Variants in BACH1 observed in about 807,000 individuals in gnomAD.
BACH1 encodes transcription regulator protein BACH1.
Under a neutral mutation model 52.9 loss-of-function variants are expected in BACH1, and 35 were observed. The observed-to-expected ratio is 0.66, with a 90% CI of 0.51 to 0.88. BACH1 has a LOEUF of 0.88. BACH1 is among the 40% of genes least tolerant of loss of function. The pLI, the probability that BACH1 is intolerant of heterozygous loss-of-function variation, is 0.00. For missense variants in BACH1, 808 were observed against 872.6 expected, an observed-to-expected ratio of 0.93 and a Z score of 0.93; for synonymous variants, 321 against 319.6, an observed-to-expected ratio of 1.00 and a Z score of -0.05.
chr21:29,327,395 T>C lies in BACH1; in HGVS notation c.1569+2T>C. On this transcript the variant is annotated splice_donor_variant, in intron 3 of 4. Transcript: ENST00000286800. LOFTEE classifies it high-confidence loss of function. ...TCAGCCAGAGAACAAGAATGTGAGG[T>C]GAGCAGGAATATGTTCTTAATTCAT... The C allele has an allele frequency of 6.2e-7, 1 of 1,609,344 alleles. No homozygotes were observed. The highest frequency in any genetic ancestry group is 8.5e-7 in the Non-Finnish European group (1 of 1,177,382).
rs778585049 is a variant in BACH1, at chr21:29,342,742, A to T, written c.2120A>T (p.Glu707Val). Residue 707 changes from glutamate (E) to valine (V), a missense_variant, in exon 5 of 5, where the codon GAG (glutamate) becomes GTG (valine). Transcript: ENST00000286800. Reference protein sequence around the residue: ...ESQQMSTATSEQAGPAEQCRQ... With the variant: ...ESQQMSTATSVQAGPAEQCRQ... ...CAGCAGATGTCCACAGCCACCTCTG[A>T]GCAAGCTGGGCCTGCGGAACAGTGT... 6.2e-7 allele frequency: 1 copy of T among 1,614,060 alleles called. No homozygotes were observed. The highest frequency in any genetic ancestry group is 1.7e-5 in the Admixed American group (1 of 60,004).
Position 29,345,312 on chromosome 21 carries a change from C to T in BACH1, c.*2479C>T, listed in dbSNP as rs545858051. ...AAGGCAATATTTTTTTTGAGGCTGCCGAAGACAAATGACAGGATTATGAGT... is the reference window on the plus strand; with the variant it reads ...AAGGCAATATTTTTTTTGAGGCTGCTGAAGACAAATGACAGGATTATGAGT... On this transcript the variant is annotated 3_prime_UTR_variant, in exon 5 of 5. Transcript: ENST00000286800. 2 of 152,452 alleles carry T rather than the reference C, an allele frequency of 1.3e-5. No individual in the cohort carries two copies. Among genetic ancestry groups the T allele is most frequent in the African/African-American group, 2.4e-5 (1 of 41,508 alleles). 9.4% of individuals were successfully genotyped at this position (152,452 alleles called of 1,614,324 possible).
At chr21:29,353,593 A>G (rs2089216168) in intron 2 of BACH1, among the ~76,000 whole-genome samples, 1 of 152,212 alleles carries the variant, frequency 6.6e-6, no homozygotes, top group Admixed American at 6.5e-5. Flanking sequence ...ACCCACCTCC[A>G]GCCTACAGAG....
In BACH1 at chr21:29,314,366, G is replaced by C. The variant is rs1006465011; in HGVS notation, c.-60-6855G>C. 2.0e-5 allele frequency among the ~76,000 whole-genome samples: 3 copies of C among 152,156 alleles called. No individual in the cohort carries two copies. The East Asian group carries it at 5.8e-4, about 29-fold the overall frequency. On this transcript the variant is annotated intron_variant, in intron 1 of 4. Coordinates refer to ENST00000286800, the MANE Select transcript of BACH1 (RefSeq NM_001186.4). ...ACCATTTATTTTTGAGCTTTGAGGA[G>C]TCTATAACTTTAACAAACTTCCCTA... is the stretch of plus-strand genomic sequence containing the variant.
chr21:29,301,535 G>A (rs2123397931), intron 1 of BACH1, among the ~76,000 whole-genome samples: 1 of 152,280 alleles, frequency 6.6e-6, no homozygotes, highest in African/African-American at 2.4e-5. Flanking sequence ...AGAAGCTTGA[G>A]TGTAAATTTC....
intron 2 of BACH1, among the ~76,000 whole-genome samples, chr21:29,322,653 G>C (rs2088862144): frequency 6.6e-6 from 1 of 152,210 alleles, no homozygotes; most frequent in Non-Finnish European, 1.5e-5. Flanking sequence ...GAGTATGACA[G>C]GTCTATGTGG....
In BACH1 at chr21:29,321,835, A is replaced by G. The variant is rs184455223; in HGVS notation, c.234+321A>G. ...TGGTTTTGAGAGTCTGTGCTGTGTG[A>G]CATTCTCTTCTAGGGGCCCTTTCCA... is the stretch of plus-strand genomic sequence containing the variant. On this transcript the variant is annotated intron_variant, in intron 2 of 4. Coordinates refer to ENST00000286800, the MANE Select transcript of BACH1 (RefSeq NM_001186.4). Among the ~76,000 whole-genome samples, 18 of 152,020 alleles carry G rather than the reference A, an allele frequency of 1.2e-4. No homozygotes were observed. In the East Asian group the frequency reaches 2.9e-3, roughly 25 times the overall value.
intron 1 of BACH1, among the ~76,000 whole-genome samples, chr21:29,316,837 A>G (rs2088792966): frequency 6.6e-6 from 1 of 152,200 alleles, no homozygotes; most frequent in South Asian, 2.1e-4. Flanking sequence ...TTTGACTTCC[A>G]GAGGGATGAG....
chr21:29,331,020 C>T lies in BACH1; in HGVS notation c.1776+1327C>T, dbSNP rs188963218. 2.0e-5 allele frequency among the ~76,000 whole-genome samples: 3 copies of T among 151,004 alleles called. No individual in the cohort carries two copies. In the East Asian group the frequency reaches 5.8e-4, roughly 29 times the overall value. The stretch of plus-strand genomic sequence containing the variant: ...GCTGAATAGTTAAAATTGTTAAAAC[C>T]AAGGAGGAAAAGTTTTCAATTCTAT... On this transcript the variant is annotated intron_variant, in intron 4 of 4. Coordinates refer to ENST00000286800, the MANE Select transcript of BACH1 (RefSeq NM_001186.4).
chr21:29,315,779 G>GA (rs1172891997), intron 1 of BACH1, among the ~76,000 whole-genome samples: 1 of 152,140 alleles, frequency 6.6e-6, no homozygotes, highest in Non-Finnish European at 1.5e-5. Flanking sequence ...ACATTCCTGT[G>GA]TAAATTGATT....
At chr21:29,324,231 CAAAAAAAAAAA>C (rs35915821) in intron 2 of BACH1, among the ~76,000 whole-genome samples, 1 of 63,164 alleles carries the variant, frequency 1.6e-5, no homozygotes. Context: ...GACTCTGCCT[CAAAAAAAAAAA>C]AAAAAAAAAA....
At chr21:29,307,540 T>TA (rs1167153992) in intron 1 of BACH1, among the ~76,000 whole-genome samples, 1 of 152,210 alleles carries the variant, frequency 6.6e-6, no homozygotes, top group Non-Finnish European at 1.5e-5. Flanking sequence ...CCAAAAATAT[T>TA]AAATACAATA....
In BACH1 at chr21:29,329,661, A is replaced by G. The variant is rs761591200; in HGVS notation, c.1744A>G (p.Ile582Val). The change falls in exon 4 of 5, where the codon ATA (isoleucine) becomes GTA (valine). Residue 582 changes from isoleucine (I) to valine (V), a missense_variant. Ile to Val is a conservative substitution (Grantham distance 29). Coordinates refer to ENST00000286800, the MANE Select transcript of BACH1 (RefSeq NM_001186.4). ...QRCRKRKLDC[I>V]QNLESEIEKL... is the part of the protein sequence containing the mutation. ...CTGTCGCAAGAGAAAACTTGACTGT[A>G]TACAGAATCTTGAATCAGAAATTGA... 1.9e-6 allele frequency: 3 copies of G among 1,554,508 alleles called. No individual in the cohort carries two copies. The highest frequency in any genetic ancestry group is 2.6e-6 in the Non-Finnish European group (3 of 1,153,640).
rs749678444 is a variant in BACH1, at chr21:29,327,209, C to T, written c.1385C>T (p.Pro462Leu). 35 of 1,614,008 alleles carry T rather than the reference C, an allele frequency of 2.2e-5. No individual in the cohort carries two copies. The highest frequency in any genetic ancestry group is 2.0e-5 in the Non-Finnish European group (24 of 1,180,034). Reference protein sequence around the residue: ...TFTTLSSVNCPFISTLSTEGC... With the variant: ...TFTTLSSVNCLFISTLSTEGC... Reference sequence around the variant, plus strand: ...ACAACATTAAGTTCTGTCAACTGCCCTTTTATAAGTACTCTGAGTACTGAA... The same window carrying T: ...ACAACATTAAGTTCTGTCAACTGCCTTTTTATAAGTACTCTGAGTACTGAA... Residue 462 changes from proline to leucine, a missense_variant, in exon 3 of 5, where the codon CCT becomes CTT. Coordinates refer to ENST00000286800, the MANE Select transcript of BACH1 (RefSeq NM_001186.4).
chr21:29,321,725 A>G (rs772650261), intron 2 of BACH1, among the ~76,000 whole-genome samples: 6 of 151,266 alleles, frequency 4.0e-5, no homozygotes, highest in Non-Finnish European at 8.8e-5. Flanking sequence ...AGTTGGATAT[A>G]ACATAACACC....
chr21:29,312,840 A>T (rs960669016), intron 1 of BACH1, among the ~76,000 whole-genome samples: 1 of 152,180 alleles, frequency 6.6e-6, no homozygotes, highest in African/African-American at 2.4e-5. Flanking sequence ...CCCCAAATAG[A>T]TCTATATTTT....
At chr21:29,306,707 A>G (rs1371046915) in intron 1 of BACH1, among the ~76,000 whole-genome samples, 2 of 152,182 alleles carry the variant, frequency 1.3e-5, no homozygotes, top group Non-Finnish European at 2.9e-5. Flanking sequence ...TGCCACCACT[A>G]CACTTAGATA....
intron 1 of BACH1, among the ~76,000 whole-genome samples, chr21:29,320,445 AT>A (rs2088834978): frequency 6.6e-6 from 1 of 152,220 alleles, no homozygotes; most frequent in African/African-American, 2.4e-5. Flanking sequence ...TGTGTATGTG[AT>A]CAAAAAATAT....
chr21:29,318,002 T>G (rs2088807649), intron 1 of BACH1, among the ~76,000 whole-genome samples: 2 of 152,132 alleles, frequency 1.3e-5, no homozygotes, highest in Admixed American at 6.5e-5. Flanking sequence ...TCCTGTGGTG[T>G]TTGCCACTGG....
Sources: gnomAD v4.1 joint callset for allele counts (sites outside exome capture counted in the v4.1 genomes callset) on GRCh38, gnomAD v4.1.1 for gene constraint, MANE v1.5 for transcripts, NCBI Gene and HGNC (gene_info 2026-07-23, HGNC 2026-07-21) for gene names.